Variants in POTEJ observed in about 807,000 individuals in gnomAD.
POTEJ encodes the protein POTE ankyrin domain family member J.
Under a neutral mutation model 69.0 loss-of-function variants are expected in POTEJ, and 11 were observed. That is an observed-to-expected ratio of 0.16 (90% confidence interval 0.10 to 0.26). POTEJ has a LOEUF of 0.26. POTEJ is among the 10% of genes least tolerant of loss of function. The probability of loss-of-function intolerance (pLI) is 1.00; values close to 1 mark genes in which losing one functional copy is unlikely to be tolerated. For missense variants in POTEJ, 327 were observed against 1,045.5 expected (o/e 0.31, Z 9.48); for synonymous variants, 117 against 381.1 (o/e 0.31, Z 8.07).
chr2:130,641,470 T>G (rs1309326544), intron 10 of POTEJ, among the ~76,000 whole-genome samples: 1 of 148,686 alleles, frequency 6.7e-6, no homozygotes, highest in African/African-American at 2.5e-5. Flanking sequence ...TAGAAGTCAT[T>G]TTGTAAATGT....
intron 7 of POTEJ, among the ~76,000 whole-genome samples, 199 bp from the exon 8 acceptor site, chr2:130,631,210 A>G (rs1350895048): frequency 6.7e-6 from 1 of 148,538 alleles, no homozygotes; most frequent in Non-Finnish European, 1.5e-5. Context: ...GGCAGTAGCT[A>G]AACATAGATT....
chr2:130,634,070 C>A (rs1349789373), intron 9 of POTEJ, among the ~76,000 whole-genome samples: 419 of 150,114 alleles, frequency 2.8e-3, no homozygotes, highest in African/African-American at 9.8e-3. Context: ...CAACATCACA[C>A]CCAGCTAATT....
At chr2:130,644,616 A>C (rs1297956384) in intron 11 of POTEJ, among the ~76,000 whole-genome samples, 1 of 151,064 alleles carries the variant, frequency 6.6e-6, no homozygotes, top group Non-Finnish European at 1.5e-5. Context: ...AAATACTCTT[A>C]TTTTAAAATA....
chr2:130,625,915 T>G (rs1685688255), intron 6 of POTEJ, among the ~76,000 whole-genome samples: 1 of 134,990 alleles, frequency 7.4e-6, no homozygotes, highest in Non-Finnish European at 1.6e-5. Context: ...GCTAAAACAG[T>G]AAGAACCAGA....
intron 10 of POTEJ, among the ~76,000 whole-genome samples, chr2:130,642,003 T>G (rs1167714133): frequency 6.6e-6 from 1 of 151,822 alleles, no homozygotes; most frequent in Admixed American, 6.6e-5. Flanking sequence ...GAGTCACAGC[T>G]GCCAGAAAAG....
chr2:130,642,819 C>G (rs62164953), intron 10 of POTEJ, among the ~76,000 whole-genome samples: 15 of 132,842 alleles, frequency 1.1e-4, no homozygotes, highest in East Asian at 4.5e-4. Context: ...TCTTTCAGGC[C>G]TCGCTCCCGC....
At chr2:130,653,462 G>T (rs1031509335) in intron 13 of POTEJ, among the ~76,000 whole-genome samples, 1 of 144,140 alleles carries the variant, frequency 6.9e-6, no homozygotes, top group African/African-American at 2.6e-5. Flanking sequence ...CAACATATTT[G>T]TTCCTTTTGC....
chr2:130,615,530 C>A (rs1685382492), intron 1 of POTEJ, among the ~76,000 whole-genome samples: 1 of 138,400 alleles, frequency 7.2e-6, no homozygotes, highest in Non-Finnish European at 1.5e-5. Context: ...AGCACGTTCT[C>A]AATTACAGGT....
At position 130,648,781 on chromosome 2, in the gene POTEJ, G is replaced by GTTTTT. The variant is rs761289482; in HGVS notation, c.1667+2496_1667+2500dup. The stretch of plus-strand genomic sequence containing the variant: ...TCAGTCCTCAATCTTCTTTCTCATA[G>GTTTTT]TTTTTTTTTTTTTTTTTTTTTTTTT... On this transcript the variant is annotated intron_variant, in intron 13 of 14. Transcript: ENST00000409602. 6.5e-4 allele frequency among the ~76,000 whole-genome samples: 53 copies of GTTTTT among 81,856 alleles called. 8 individuals are homozygous for GTTTTT. The highest frequency in any genetic ancestry group is 2.7e-3 in the African/African-American group (49 of 18,100). 53.7% of individuals were successfully genotyped at this position (81,856 alleles called of 152,430 possible). A position where few individuals can be genotyped will look rare whatever the true frequency, so the allele number is the denominator to read the frequency against.
intron 6 of POTEJ, among the ~76,000 whole-genome samples, chr2:130,625,524 G>C (rs1454769671): frequency 6.6e-6 from 1 of 151,750 alleles, no homozygotes; most frequent in Non-Finnish European, 1.5e-5. Context: ...GAAAAAAGTA[G>C]GTATGATTTA....
At chr2:130,613,257 C>CATATATACATATATATACACATGT (rs1685283958) in intron 1 of POTEJ, among the ~76,000 whole-genome samples, 1 of 99,100 alleles carries the variant, frequency 1.0e-5, no homozygotes, top group Non-Finnish European at 1.9e-5. Context: ...TATATATACA[C>CATATATACATATATATACACATGT]ATATATACAT....
At chr2:130,613,184 A>G (rs1685275891) in intron 1 of POTEJ, among the ~76,000 whole-genome samples, 1 of 146,820 alleles carries the variant, frequency 6.8e-6, no homozygotes, top group Admixed American at 6.9e-5. Flanking sequence ...ACAAAAGGAG[A>G]AACATACCAG....
At chr2:130,626,832 T>A (rs1361079093) in intron 6 of POTEJ, among the ~76,000 whole-genome samples, 2 of 152,198 alleles carry the variant, frequency 1.3e-5, no homozygotes, top group Admixed American at 6.5e-5. Flanking sequence ...TGGCCTTTGT[T>A]TTTTTGGTGT....
chr2:130,650,184 A>G (rs1257346172), intron 13 of POTEJ, among the ~76,000 whole-genome samples: 3 of 152,382 alleles, frequency 2.0e-5, no homozygotes, highest in Middle Eastern at 6.8e-3. Flanking sequence ...TTGTGTCTTG[A>G]CATCAACTCT....
At chr2:130,626,865 C>G (rs1416240019) in intron 6 of POTEJ, among the ~76,000 whole-genome samples, 14 of 152,244 alleles carry the variant, frequency 9.2e-5, no homozygotes, top group African/African-American at 3.4e-4. Flanking sequence ...ATTTGTTTTG[C>G]TTAATTTTTT....
chr2:130,614,561 G>T (rs1685362071), intron 1 of POTEJ, among the ~76,000 whole-genome samples: 2 of 148,598 alleles, frequency 1.3e-5, no homozygotes, highest in Non-Finnish European at 3.0e-5. Flanking sequence ...AAATCAGTTT[G>T]TTACACATAT....
In POTEJ at chr2:130,615,563, A is replaced by C. The variant is rs1685383287; in HGVS notation, c.411-1227A>C. On this transcript the variant is annotated intron_variant, in intron 1 of 14. Coordinates refer to ENST00000409602, the MANE Select transcript of POTEJ (RefSeq NM_001277083.2). ...GGTGGGAGCTAAATGGTGAGAACAC[A>C]CAGATACCTAGAGGGAAGGAACACA... Among the ~76,000 whole-genome samples, 2 of 140,496 alleles carry C rather than the reference A, an allele frequency of 1.4e-5. 1 individual carries two copies. The highest frequency in any genetic ancestry group is 3.1e-5 in the Non-Finnish European group (2 of 65,468). 92.2% of individuals were successfully genotyped at this position (140,496 alleles called of 152,430 possible). A position where few individuals can be genotyped will look rare whatever the true frequency, so the allele number is the denominator to read the frequency against.
rs757699182 is a variant in POTEJ, at chr2:130,657,505, C to A, written c.2745C>A (p.Asn915Lys). 2.4e-5 allele frequency: 37 copies of A among 1,570,038 alleles called. 5 individuals carry two copies. The highest frequency in any genetic ancestry group is 1.5e-4 in the African/African-American group (10 of 66,820). ...ATGGCCAGGTCATCACCATCAGCAA[C>A]GAGTGGTTCCGCTGCCCCGAGGCGC... ...LPDGQVITISNEWFRCPEALF... is the reference protein window; with the variant it reads ...LPDGQVITISKEWFRCPEALF... Residue 915 changes from asparagine to lysine, a missense_variant, in exon 15 of 15, where the codon AAC (asparagine) becomes AAA (lysine). Physicochemically the swap from Asn to Lys is moderately conservative, Grantham distance 94. Transcript: ENST00000409602.
intron 1 of POTEJ, among the ~76,000 whole-genome samples, chr2:130,613,299 CATATGTATAT>C (rs1685294847): frequency 9.8e-6 from 1 of 101,568 alleles, no homozygotes; most frequent in East Asian, 2.5e-4. Flanking sequence ...CATATATATA[CATATGTATAT>C]ATACATATAT....
Sources: allele counts gnomAD v4.1 joint callset (sites outside exome capture counted in the v4.1 genomes callset), GRCh38; gene constraint gnomAD v4.1.1; transcripts MANE v1.5; gene names NCBI Gene and HGNC (gene_info 2026-07-23, HGNC 2026-07-21).